The following CACNA1C variants were observed in gnomAD, a reference collection of about 807,000 sequenced individuals.
CACNA1C encodes the protein voltage-dependent L-type calcium channel subunit alpha-1C.
Under a neutral mutation model 229.0 loss-of-function variants are expected in CACNA1C, and 30 were observed. That is an observed-to-expected ratio of 0.13 (90% CI 0.10 to 0.18). The LOEUF (loss-of-function observed/expected upper bound fraction) is 0.18, where lower values mean the gene tolerates loss of function less well. CACNA1C is among the 10% of genes least tolerant of loss of function. The pLI, the probability that CACNA1C is intolerant of heterozygous loss-of-function variation, is 1.00. For synonymous variants in CACNA1C, 1,114 were observed against 1,132.5 expected (o/e 0.98, Z 0.33); for missense variants, 1,658 against 2,845.0 (o/e 0.58, Z 9.49).
chr12:2,095,761 T>C (rs78477991), intron 1 of CACNA1C, among the ~76,000 whole-genome samples: 2,131 of 152,240 alleles, frequency 0.014, 44 homozygotes, highest in African/African-American at 0.048. Context: ...GGAGAGTGCA[T>C]GCATCCTATG....
At chr12:2,233,535 A>G (rs980962549) in intron 3 of CACNA1C, among the ~76,000 whole-genome samples, 4 of 152,290 alleles carry the variant, frequency 2.6e-5, no homozygotes, top group Non-Finnish European at 5.9e-5. Context: ...AAATCATGTA[A>G]GTTCAGCCTA....
chr12:2,435,461 C>T lies in CACNA1C; in HGVS notation c.478-13515C>T, dbSNP rs998708746. Among the ~76,000 whole-genome samples the T allele has an allele frequency of 1.4e-4, 21 of 152,202 alleles. 1 individual carries two copies. Among genetic ancestry groups the T allele is most frequent in the Admixed American group, 7.2e-4 (11 of 15,282 alleles). ...TTTGTCCCAGTGCTCTCAGGGTGGG[C>T]CCTCGGCACAGGCCGTCCGTGTTGA... On this transcript the variant is annotated intron_variant, in intron 3 of 46. Coordinates refer to ENST00000399655, the MANE Select transcript of CACNA1C (RefSeq NM_000719.7).
Position 2,585,416 on chromosome 12 carries a change from C to T in CACNA1C, c.2380C>T (p.Pro794Ser), listed in dbSNP as rs2153231566. The T allele has an allele frequency of 6.2e-7, 1 of 1,611,504 alleles. No homozygotes were observed. The highest frequency in any genetic ancestry group is 1.7e-4 in the Middle Eastern group (1 of 6,056). Residue 794 changes from proline to serine, a missense_variant, in exon 17 of 47, where the codon CCG becomes TCG. Coordinates refer to ENST00000399655, the MANE Select transcript of CACNA1C (RefSeq NM_000719.7). This position sits in a 1 kb window ranked among gnomAD's most constrained non-coding sequence, Gnocchi z 4.1. ...PEKKQELVEK[P>S]AVGESKEEKI... is the part of the protein sequence containing the mutation. ...GAAGAAACAAGAGTTGGTGGAGAAG[C>T]CGGCAGTGGGGGAATCCAAGGAGGA...
In CACNA1C at chr12:2,298,204, C is replaced by T. The variant is rs537851742; in HGVS notation, c.478-150772C>T. On this transcript the variant is annotated intron_variant, in intron 3 of 46. Transcript: ENST00000399655. ...GAAGAGCACCCTGCCCTCCCCATGA[C>T]AAGTGCTCAGCAATAGTCTCAGCCT... Among the ~76,000 whole-genome samples the T allele has an allele frequency of 2.6e-5, 4 of 152,366 alleles. No homozygotes were observed. In the East Asian group the frequency reaches 7.7e-4, roughly 29 times the overall value.
chr12:2,062,954 C>T (rs1242212375), intron 1 of CACNA1C, among the ~76,000 whole-genome samples: 1 of 151,996 alleles, frequency 6.6e-6, no homozygotes, highest in African/African-American at 2.4e-5. Context: ...AGGTATAATT[C>T]GCATACCGTA....
intron 3 of CACNA1C, among the ~76,000 whole-genome samples, chr12:2,339,996 G>A (rs575371687): frequency 6.6e-6 from 1 of 152,022 alleles, no homozygotes; most frequent in East Asian, 1.9e-4. Context: ...TATGTACTTT[G>A]GTTTTTAAAA....
intron 3 of CACNA1C, among the ~76,000 whole-genome samples, chr12:2,155,743 G>C (rs574116350): frequency 1.3e-5 from 2 of 152,282 alleles, no homozygotes; most frequent in African/African-American, 4.8e-5. Flanking sequence ...ACTTAGACTA[G>C]TTTAGAGCCA....
At chr12:2,412,846 C>T (rs564302087) in intron 3 of CACNA1C, among the ~76,000 whole-genome samples, 30 of 152,162 alleles carry the variant, frequency 2.0e-4, no homozygotes, top group East Asian at 1.4e-3. Flanking sequence ...ACCTATTCTA[C>T]GGGATAGAAT....
rs371025838 is a variant in CACNA1C, at chr12:2,118,353, C to T, written c.372-1972C>T. On this transcript the variant is annotated intron_variant, in intron 2 of 46. Transcript: ENST00000399655. The stretch of plus-strand genomic sequence containing the variant: ...AATGAAACTGGCCAGCCTGTGGGCT[C>T]GGTGTCACTTTCCTAAGCAGGCGAG... Among the ~76,000 whole-genome samples the T allele has an allele frequency of 5.3e-5, 8 of 152,192 alleles. No homozygotes were observed. The East Asian group carries it at 1.4e-3, about 26-fold the overall frequency.
intron 3 of CACNA1C, among the ~76,000 whole-genome samples, chr12:2,232,112 T>C (rs1267456045): frequency 6.6e-6 from 1 of 152,094 alleles, no homozygotes; most frequent in Non-Finnish European, 1.5e-5. Flanking sequence ...TCTTACGAGT[T>C]TCTCCACTTC....
chr12:2,207,638 C>T (rs768379601), intron 3 of CACNA1C, among the ~76,000 whole-genome samples: 1 of 151,930 alleles, frequency 6.6e-6, no homozygotes, highest in Admixed American at 6.6e-5. Flanking sequence ...AGCAACACCT[C>T]GTCTCTACAA....
intron 42 of CACNA1C, among the ~76,000 whole-genome samples, chr12:2,680,763 C>T (rs947240256): frequency 3.9e-5 from 6 of 152,182 alleles, no homozygotes; most frequent in African/African-American, 1.2e-4. Context: ...TTGTGTCAGA[C>T]GACAGGCCAG....
chr12:2,602,631 TGTGTGTGTGTGTGTG>T lies in CACNA1C; in HGVS notation c.2960+672_2960+686del, dbSNP rs1176852283. ...TGTGTGACTGTGTATATTTGTGTCT[TGTGTGTGTGTGTGTG>T]TGTGTGTGTGTGTGTGTGTGTGTGA... On this transcript the variant is annotated intron_variant, in intron 22 of 46. Coordinates refer to ENST00000399655, the MANE Select transcript of CACNA1C (RefSeq NM_000719.7). The surrounding 1 kb of genome is among the most constrained non-coding windows in gnomAD (Gnocchi z 4.4). Among the ~76,000 whole-genome samples, 3 of 38,330 alleles carry T rather than the reference TGTGTGTGTGTGTGTG, an allele frequency of 7.8e-5. No individual in the cohort carries two copies. The highest frequency in any genetic ancestry group is 3.5e-4 in the Admixed American group (1 of 2,848). 25.1% of individuals were successfully genotyped at this position (38,330 alleles called of 152,430 possible).
chr12:2,679,083 C>G lies in CACNA1C; in HGVS notation c.5092-361C>G, dbSNP rs991089625. Among the ~76,000 whole-genome samples, 1 of 152,190 alleles carries G rather than the reference C, an allele frequency of 6.6e-6. No individual in the cohort carries two copies. Among genetic ancestry groups the G allele is most frequent in the Non-Finnish European group, 1.5e-5 (1 of 68,034 alleles). ...TGTGCTGGCTGCTCTTAGGGACCACCATCCTAGACGTGCCCTGGAAACTCA... is the reference window on the plus strand; with the variant it reads ...TGTGCTGGCTGCTCTTAGGGACCACGATCCTAGACGTGCCCTGGAAACTCA... On this transcript the variant is annotated intron_variant, in intron 41 of 46. Coordinates refer to ENST00000399655, the MANE Select transcript of CACNA1C (RefSeq NM_000719.7). The surrounding 1 kb of genome is among the most constrained non-coding windows in gnomAD (Gnocchi z 5.5).
chr12:2,548,326 T>C (rs539160018), intron 9 of CACNA1C, among the ~76,000 whole-genome samples: 1 of 152,310 alleles, frequency 6.6e-6, no homozygotes, highest in East Asian at 1.9e-4. Context: ...CAGAGCCTAG[T>C]AGGCTTTAAG....
At chr12:2,355,985 C>G (rs2238075) in intron 3 of CACNA1C, among the ~76,000 whole-genome samples, 1 of 152,176 alleles carries the variant, frequency 6.6e-6, no homozygotes, top group Non-Finnish European at 1.5e-5. Flanking sequence ...CCTCCAGGCC[C>G]GCAACCCCCA....
chr12:1,974,757 T>C (rs186193471), intron 1 of CACNA1C, among the ~76,000 whole-genome samples: 1 of 152,290 alleles, frequency 6.6e-6, no homozygotes, highest in Non-Finnish European at 1.5e-5. Flanking sequence ...AAGATTTAGA[T>C]GCATGTCAGT....
chr12:2,461,449 T>C (rs1314548754), intron 5 of CACNA1C, among the ~76,000 whole-genome samples: 2 of 152,202 alleles, frequency 1.3e-5, no homozygotes, highest in Admixed American at 6.5e-5. Flanking sequence ...CTCCTCTGTC[T>C]GTACTCACTC....
intron 3 of CACNA1C, among the ~76,000 whole-genome samples, chr12:2,224,842 C>G (rs1195584967): frequency 6.6e-6 from 1 of 152,122 alleles, no homozygotes; most frequent in African/African-American, 2.4e-5. Context: ...GTCGTATTTG[C>G]TTGCAAAATG....
Sources: gnomAD v4.1 joint callset for allele counts (sites outside exome capture counted in the v4.1 genomes callset) on GRCh38, gnomAD v4.1.1 for gene constraint, Gnocchi (gnomAD v3.1) non-coding constraint, MANE v1.5 for transcripts, NCBI Gene and HGNC (gene_info 2026-07-23, HGNC 2026-07-21) for gene names.